The following DST variants were observed in gnomAD, a reference collection of about 807,000 sequenced individuals.
DST encodes dystonin, also known as bullous pemphigoid antigen.
Under a neutral mutation model 875.2 loss-of-function variants are expected in DST, and 253 were observed. That is an observed-to-expected ratio of 0.29 (90% CI 0.26 to 0.32). DST has a LOEUF of 0.32. Ranked by LOEUF, DST falls within the 10% of genes least tolerant of loss-of-function variation. DST has a pLI of 1.00. For missense variants in DST, 8,287 were observed against 9,111.6 expected (o/e 0.91, Z 3.68); for synonymous variants, 3,124 against 3,197.1 (o/e 0.98, Z 0.77).
At position 56,557,324 on chromosome 6, in the gene DST, C is replaced by G; in HGVS notation, c.14635G>C (p.Val4879Leu). 1 of 1,612,664 alleles carries G rather than the reference C, an allele frequency of 6.2e-7. No individual in the cohort carries two copies. The highest frequency in any genetic ancestry group is 8.5e-7 in the Non-Finnish European group (1 of 1,179,472). Residue 4879 changes from valine (V) to leucine (L), a missense_variant, in exon 59 of 104, where the codon GTG becomes CTG. Val to Leu is a conservative substitution (Grantham distance 32). Around this residue, in one of 10 missense-constraint regions of DST, gnomAD observed 1,513 missense variants for 1,677.8 expected, o/e 0.90. Coordinates refer to ENST00000680361, the MANE Select transcript of DST (RefSeq NM_001374736.1). ...GGTTATTAGGTAATACTCACCTGCACCTGCTGCCTTTGTGTGTTTAGCATA... is the reference window on the plus strand; with the variant it reads ...GGTTATTAGGTAATACTCACCTGCAGCTGCTGCCTTTGTGTGTTTAGCATA... ...PNMLNTQRQQ[V>L]QILLQEFATR...
chr6:56,511,749 C>T (rs2096481359), intron 72 of DST, among the ~76,000 whole-genome samples: 1 of 152,088 alleles, frequency 6.6e-6, no homozygotes, highest in African/African-American at 2.4e-5. Context: ...CTCGCTATGT[C>T]CCCAACCTAC....
intron 9 of DST, among the ~76,000 whole-genome samples, chr6:56,673,507 C>G (rs1410277500): frequency 6.6e-6 from 1 of 152,116 alleles, no homozygotes; most frequent in Non-Finnish European, 1.5e-5. Flanking sequence ...CAGTAAAGTT[C>G]AACTACAAGA....
chr6:56,482,026 A>G, intron 90 of DST, 24 bp downstream of exon 90: 2 of 1,607,650 alleles, frequency 1.2e-6, no homozygotes, highest in South Asian at 1.1e-5. Flanking sequence ...ATTTAGCTTT[A>G]CATAGCATTT....
Position 56,594,147 on chromosome 6 carries a change from G to C in DST, c.12242C>G (p.Ala4081Gly). ...IISQHQAVII[A>G]TQSAQVLLEK... ...AAGCAACACTTGTGCAGACTGAGTG[G>C]CTATGATCACTGCTTGGTGCTGAGA... Residue 4081 changes from alanine to glycine, a missense_variant, in exon 48 of 104, where the codon GCC becomes GGC. Physicochemically the swap from Ala to Gly is moderately conservative, Grantham distance 60. This residue lies in a region of DST where 1,513 missense variants were observed against 1,677.8 expected (regional missense o/e 0.90). Coordinates refer to ENST00000680361, the MANE Select transcript of DST (RefSeq NM_001374736.1). The C allele has an allele frequency of 6.3e-7, 1 of 1,575,540 alleles. No individual in the cohort carries two copies. The highest frequency in any genetic ancestry group is 8.6e-7 in the Non-Finnish European group (1 of 1,164,592).
rs202115513 is a variant in DST, at chr6:56,593,930, T to C, written c.12459A>G (p.Ser4153=). 22 of 1,613,816 alleles carry C rather than the reference T, an allele frequency of 1.4e-5. No individual in the cohort carries two copies. The Middle Eastern group carries it at 9.9e-4, about 73-fold the overall frequency. ...CCTCCAGGTTTTCAAGTTCTTGTTCTGACTGCTGTAGCCAGTGCTCAAACT... is the reference window on the plus strand; with the variant it reads ...CCTCCAGGTTTTCAAGTTCTTGTTCCGACTGCTGTAGCCAGTGCTCAAACT... The part of the protein sequence containing the change: ...YTEFEHWLQQ[S]EQELENLEAG... Residue 4153 remains serine, a synonymous_variant, in exon 48 of 104, where the codon TCA becomes TCG. Coordinates refer to ENST00000680361, the MANE Select transcript of DST (RefSeq NM_001374736.1).
At chr6:56,874,843 C>G (rs1441399426) in intron 3 of DST, among the ~76,000 whole-genome samples, 1 of 152,194 alleles carries the variant, frequency 6.6e-6, no homozygotes, top group African/African-American at 2.4e-5. Context: ...ACTACTGGAT[C>G]CCTTTCTCAG....
At chr6:56,517,120 G>A in intron 71 of DST, 78 bp downstream of exon 71, 1 of 1,005,026 alleles carries the variant, frequency 9.9e-7, no homozygotes, top group Non-Finnish European at 1.6e-6. Flanking sequence ...TAACGGAGAA[G>A]TGTTTTTCTA....
intron 3 of DST, among the ~76,000 whole-genome samples, chr6:56,872,432 G>A (rs537974947): frequency 6.6e-6 from 1 of 152,244 alleles, no homozygotes; most frequent in African/African-American, 2.4e-5. Context: ...TGAGGTGGAG[G>A]AATCACTTGA....
chr6:56,501,770 C>A, intron 78 of DST, 77 bp from the exon 79 acceptor site: 1 of 1,122,784 alleles, frequency 8.9e-7, no homozygotes, highest in South Asian at 1.6e-5. Flanking sequence ...TTGGTTATAT[C>A]ATTATTCTAA....
intron 94 of DST, among the ~76,000 whole-genome samples, chr6:56,471,527 G>A (rs1226373013): frequency 1.3e-5 from 2 of 152,098 alleles, no homozygotes; most frequent in Non-Finnish European, 2.9e-5. Context: ...AGTCATAAAG[G>A]TGGTCCGGCT....
At chr6:56,562,543 T>G (rs2097553606) in intron 55 of DST, among the ~76,000 whole-genome samples, 1 of 151,744 alleles carries the variant, frequency 6.6e-6, no homozygotes, top group African/African-American at 2.4e-5. Flanking sequence ...AATTGTATTT[T>G]AGAGCAGTAA....
chr6:56,507,212 T>C (rs2096344501), intron 75 of DST, among the ~76,000 whole-genome samples: 1 of 152,192 alleles, frequency 6.6e-6, no homozygotes, highest in Non-Finnish European at 1.5e-5. Flanking sequence ...GGATTTACAT[T>C]TTATGTCATT....
chr6:56,740,116 A>T (rs1410803997), intron 4 of DST, among the ~76,000 whole-genome samples: 1 of 152,128 alleles, frequency 6.6e-6, no homozygotes, highest in African/African-American at 2.4e-5. Context: ...TCGGCCTCCC[A>T]AAGTGTTGGG....
At chr6:56,535,854 A>G (rs1460993444) in intron 62 of DST, among the ~76,000 whole-genome samples, 1 of 152,196 alleles carries the variant, frequency 6.6e-6, no homozygotes, top group African/African-American at 2.4e-5. Flanking sequence ...TCCTACATAG[A>G]GATATCTTAT....
intron 4 of DST, among the ~76,000 whole-genome samples, chr6:56,760,704 T>C (rs2099615096): frequency 6.6e-6 from 1 of 152,238 alleles, no homozygotes; most frequent in Admixed American, 6.5e-5. Flanking sequence ...CTACTAAACA[T>C]ATCTTTAAGT....
rs746500053 is a variant in DST, at chr6:56,598,011, G to C, written c.11929-5C>G. ...CAGCTGCTTCACTGCTGCTACCTGG[G>C]AAGGGAAAGTTCACAGGAGGAATTC... is the stretch of plus-strand genomic sequence containing the variant. On this transcript the variant is annotated splice_polypyrimidine_tract_variant and splice_region_variant and intron_variant, in intron 46 of 103. Coordinates refer to ENST00000680361, the MANE Select transcript of DST (RefSeq NM_001374736.1). 15 of 1,578,378 alleles carry C rather than the reference G, an allele frequency of 9.5e-6. No homozygotes were observed. The South Asian group carries it at 1.8e-4, about 19-fold the overall frequency.
At position 56,555,386 on chromosome 6, in the gene DST, T is replaced by C. The variant is rs1157017410; in HGVS notation, c.15095A>G (p.Glu5032Gly). The C allele has an allele frequency of 1.2e-6, 2 of 1,607,470 alleles. No individual in the cohort carries two copies. The highest frequency in any genetic ancestry group is 1.7e-5 in the Admixed American group (1 of 59,454). ...ATCCTTAAATGATTTTAAGATGCCT[T>C]CTAGTTGCCTACTAAGTTCTGCTTT... ...YLKAELSRQL[E>G]GILKSFKDVE... Residue 5032 changes from glutamate (E) to glycine (G), a missense_variant, in exon 60 of 104, where the codon GAA becomes GGA. By Grantham distance (98) the Glu-to-Gly change is moderately conservative. Transcript: ENST00000680361.
chr6:56,849,302 A>G (rs1320837261), intron 4 of DST, among the ~76,000 whole-genome samples: 1 of 151,706 alleles, frequency 6.6e-6, no homozygotes. Context: ...ACGCCCAGCT[A>G]ATTTTTGTAT....
Position 56,607,874 on chromosome 6 carries a change from C to G in DST, c.6754G>C (p.Asp2252His), listed in dbSNP as rs371186550. 3 of 1,613,604 alleles carry G rather than the reference C, an allele frequency of 1.9e-6. No homozygotes were observed. The highest frequency in any genetic ancestry group is 2.5e-6 in the Non-Finnish European group (3 of 1,179,716). The change falls in exon 40 of 104, where the codon GAT (aspartate) becomes CAT (histidine). Residue 2252 changes from aspartate to histidine, a missense_variant. By Grantham distance (81) the Asp-to-His change is moderately conservative (BLOSUM62 -1). Transcript: ENST00000680361. Reference protein sequence around the residue: ...DGNTAIKECLDVLSSSGVFLN... With the variant: ...DGNTAIKECLHVLSSSGVFLN... ...AATACACCAGATGAGCTTAAGACAT[C>G]GAGACATTCTTTTATGGCTGTGTTT...
Sources: gnomAD v4.1 joint callset for allele counts (sites outside exome capture counted in the v4.1 genomes callset) on GRCh38, gnomAD v4.1.1 for gene constraint, gnomAD v4.1.1 regional missense constraint, MANE v1.5 for transcripts, NCBI Gene and HGNC (gene_info 2026-07-23, HGNC 2026-07-21) for gene names.